LCLAT1: variants seen among roughly 807,000 people sequenced by gnomAD.
The protein encoded by LCLAT1 is 1-AGP acyltransferase 8.
Under a neutral mutation model 30.7 loss-of-function variants are expected in LCLAT1, and 11 were observed. That is an observed-to-expected ratio of 0.36 (90% confidence interval 0.23 to 0.59). LCLAT1 has a LOEUF of 0.59. Ranked by LOEUF, LCLAT1 falls within the 20% of genes least tolerant of loss-of-function variation. The pLI, the probability that LCLAT1 is intolerant of heterozygous loss-of-function variation, is 0.77. For synonymous variants in LCLAT1, 155 were observed against 151.3 expected (o/e 1.02, Z -0.18); for missense variants, 402 against 458.6 (o/e 0.88, Z 1.13).
chr2:30,461,770 C>CTTT (rs1553354407), intron 1 of LCLAT1, among the ~76,000 whole-genome samples: 3 of 131,794 alleles, frequency 2.3e-5, no homozygotes, highest in East Asian at 2.3e-4. Flanking sequence ...CTAAATTAAA[C>CTTT]TTTTTTTTTT....
intron 2 of LCLAT1, among the ~76,000 whole-genome samples, chr2:30,532,744 C>T (rs1686043771): frequency 6.6e-6 from 1 of 151,540 alleles, no homozygotes; most frequent in Non-Finnish European, 1.5e-5. Context: ...CCCCTGTACC[C>T]AGTGCTAATT....
At chr2:30,504,085 TG>T (rs977930528) in intron 1 of LCLAT1, among the ~76,000 whole-genome samples, 8 of 151,898 alleles carry the variant, frequency 5.3e-5, no homozygotes, top group Admixed American at 4.6e-4. Flanking sequence ...GACTTACGTG[TG>T]TGTGTGTGTG....
At chr2:30,587,553 G>T (rs1237767054) in intron 5 of LCLAT1, among the ~76,000 whole-genome samples, 1 of 152,188 alleles carries the variant, frequency 6.6e-6, no homozygotes, top group African/African-American at 2.4e-5. Flanking sequence ...TCTGAAGTCT[G>T]ACAAGTCCTC....
At chr2:30,598,222 G>C (rs879351289) in intron 5 of LCLAT1, among the ~76,000 whole-genome samples, 1 of 152,122 alleles carries the variant, frequency 6.6e-6, no homozygotes, top group Non-Finnish European at 1.5e-5. Context: ...AATGGTACCA[G>C]CTCCTTTTTG....
chr2:30,640,785 A>T lies in LCLAT1; in HGVS notation c.*166A>T, dbSNP rs10189926. The T allele has an allele frequency of 0.26, 206,737 of 805,240 alleles. 28,504 individuals are homozygous for T. The highest frequency in any genetic ancestry group is 0.3 in the Non-Finnish European group (159,603 of 533,596). 49.9% of individuals were successfully genotyped at this position (805,240 alleles called of 1,614,324 possible). ...ATTTTGTGGGAAAAATATTGCTACAATTTTTTTTAATCTCTGAATGTAATT... is the reference window on the plus strand; with the variant it reads ...ATTTTGTGGGAAAAATATTGCTACATTTTTTTTTAATCTCTGAATGTAATT... On this transcript the variant is annotated 3_prime_UTR_variant, in exon 6 of 6. Transcript: ENST00000379509.
rs1414564829 is a variant in LCLAT1, at chr2:30,533,398, C to A, written c.364+84C>A. On this transcript the variant is annotated intron_variant, in intron 3 of 5. Coordinates refer to ENST00000379509, the MANE Select transcript of LCLAT1 (RefSeq NM_001002257.3). ...TGTAAAACTGACTTAAGCATTAAAG[C>A]GATTCCATTTTTTTCCTCACTGGGC... 5.7e-6 allele frequency: 7 copies of A among 1,219,578 alleles called. No homozygotes were observed. The East Asian group carries it at 9.3e-5, about 16-fold the overall frequency. The allele number at this position is 1,219,578 out of a possible 1,614,324, so 75.5% of individuals were successfully genotyped here.
intron 5 of LCLAT1, among the ~76,000 whole-genome samples, chr2:30,617,045 G>T (rs1668028361): frequency 6.6e-6 from 1 of 152,106 alleles, no homozygotes; most frequent in Admixed American, 6.6e-5. Flanking sequence ...TTTAGAGGTA[G>T]AATTTACTTG....
intron 5 of LCLAT1, among the ~76,000 whole-genome samples, chr2:30,625,013 T>G (rs1442355223): frequency 6.6e-6 from 1 of 152,096 alleles, no homozygotes; most frequent in Non-Finnish European, 1.5e-5. Flanking sequence ...CCGGAATGAT[T>G]ATCAGGTCAA....
chr2:30,448,140 A>G (rs1681359357), intron 1 of LCLAT1, among the ~76,000 whole-genome samples: 1 of 152,192 alleles, frequency 6.6e-6, no homozygotes, highest in Admixed American at 6.5e-5. Flanking sequence ...AAGTTCATTA[A>G]CTGTGTTTCT....
chr2:30,618,401 A>G (rs1558560231), intron 5 of LCLAT1, among the ~76,000 whole-genome samples: 1 of 152,174 alleles, frequency 6.6e-6, no homozygotes, highest in Non-Finnish European at 1.5e-5. Flanking sequence ...AACATAGTAT[A>G]TCTCCCATTT....
chr2:30,517,283 G>T (rs1685227396), intron 1 of LCLAT1, among the ~76,000 whole-genome samples: 1 of 152,134 alleles, frequency 6.6e-6, no homozygotes, highest in Non-Finnish European at 1.5e-5. Flanking sequence ...GCATCCTTAG[G>T]CACCTAGGCT....
chr2:30,536,924 A>T (rs1686273725), intron 3 of LCLAT1, among the ~76,000 whole-genome samples: 1 of 152,242 alleles, frequency 6.6e-6, no homozygotes, highest in Admixed American at 6.5e-5. Context: ...TGGCTAAATG[A>T]ATTTTTTAAA....
At chr2:30,525,236 C>T (rs1489183182) in intron 1 of LCLAT1, among the ~76,000 whole-genome samples, 1 of 152,102 alleles carries the variant, frequency 6.6e-6, no homozygotes, top group Non-Finnish European at 1.5e-5. Context: ...ACTACCGCAG[C>T]TGGCTAAGTT....
At position 30,568,141 on chromosome 2, in the gene LCLAT1, C is replaced by T. The variant is rs201968892; in HGVS notation, c.593C>T (p.Thr198Ile). 11 of 1,605,474 alleles carry T rather than the reference C, an allele frequency of 6.9e-6. No homozygotes were observed. In the East Asian group the frequency reaches 1.8e-4, roughly 26 times the overall value. Residue 198 changes from threonine to isoleucine, a missense_variant, in exon 5 of 6, where the codon ACA becomes ATA. By Grantham distance (89) the Thr-to-Ile change is moderately conservative. Coordinates refer to ENST00000379509, the MANE Select transcript of LCLAT1 (RefSeq NM_001002257.3). ...KYEYVLHPRT[T>I]GFTFVVDRLR... ...GAATATGTTTTACATCCAAGAACTA[C>T]AGGCTTTACTTTTGTGGTAGACCGT...
At chr2:30,520,506 G>A (rs1685424522) in intron 1 of LCLAT1, among the ~76,000 whole-genome samples, 1 of 152,152 alleles carries the variant, frequency 6.6e-6, no homozygotes, top group African/African-American at 2.4e-5. Flanking sequence ...TAAAGTTCCA[G>A]TTTTGTTATT....
chr2:30,555,671 G>T lies in LCLAT1; in HGVS notation c.365-6475G>T, dbSNP rs139501311. Among the ~76,000 whole-genome samples, 51 of 151,676 alleles carry T rather than the reference G, an allele frequency of 3.4e-4. 1 individual carries two copies. The East Asian group carries it at 9.5e-3, about 28-fold the overall frequency. Reference sequence around the variant, plus strand: ...TTGAGGGCATGCTTTTTTGTTTGGGGGTTATTATTTATTAACCCAATGTTG... The same window carrying T: ...TTGAGGGCATGCTTTTTTGTTTGGGTGTTATTATTTATTAACCCAATGTTG... On this transcript the variant is annotated intron_variant, in intron 3 of 5. Transcript: ENST00000379509.
intron 1 of LCLAT1, among the ~76,000 whole-genome samples, chr2:30,497,975 G>A (rs1170501859): frequency 6.6e-6 from 1 of 152,176 alleles, no homozygotes; most frequent in Non-Finnish European, 1.5e-5. Context: ...GAGTTAAATG[G>A]ATGTAGGTTT....
chr2:30,550,787 A>G (rs946703895), intron 3 of LCLAT1, among the ~76,000 whole-genome samples: 2 of 152,212 alleles, frequency 1.3e-5, no homozygotes, highest in African/African-American at 4.8e-5. Flanking sequence ...ATGAAGCTCT[A>G]CTTCCTGGAG....
intron 1 of LCLAT1, among the ~76,000 whole-genome samples, chr2:30,464,869 A>C (rs762599859): frequency 2.6e-5 from 4 of 152,040 alleles, no homozygotes; most frequent in Non-Finnish European, 5.9e-5. Context: ...TGTTCTTTTT[A>C]AATTTTTATT....
Sources: allele counts gnomAD v4.1 joint callset (sites outside exome capture counted in the v4.1 genomes callset), GRCh38; gene constraint gnomAD v4.1.1; transcripts MANE v1.5; gene names NCBI Gene and HGNC (gene_info 2026-07-23, HGNC 2026-07-21).